The following NRCAM variants were observed in gnomAD, a reference collection of about 807,000 sequenced individuals.
The protein encoded by NRCAM is neuronal cell adhesion molecule, also known as NgCAM-related cell adhesion molecule.
Under a neutral mutation model 156.5 loss-of-function variants are expected in NRCAM, and 83 were observed. The observed-to-expected ratio is 0.53, with a 90% CI of 0.44 to 0.64. The LOEUF is 0.64. Among genes scored for constraint, NRCAM ranks in the 30% least tolerant of loss-of-function variants. NRCAM has a pLI of 0.00. For synonymous variants in NRCAM, 538 were observed against 563.9 expected (o/e 0.95, Z 0.65); for missense variants, 1,417 against 1,597.3 (o/e 0.89, Z 1.92).
intron 3 of NRCAM, among the ~76,000 whole-genome samples, chr7:108,245,913 T>A (rs7795834): frequency 0.27 from 41,089 of 151,946 alleles, 5,895 homozygotes; most frequent in African/African-American, 0.34. Context: ...GAGGCAATGA[T>A]GTAACTGAGA....
Position 108,288,298 on chromosome 7 carries a change from A to G in NRCAM, c.-107+24367T>C, listed in dbSNP as rs533325360. ...TTACCTATTGGGTACGATGTTCACT[A>G]TTGGGGTGATGCGTAACATTAAAAG... On this transcript the variant is annotated intron_variant, in intron 3 of 32. Transcript: ENST00000379028. Among the ~76,000 whole-genome samples the G allele has an allele frequency of 1.2e-3, 176 of 152,198 alleles. 1 individual carries two copies. In the Middle Eastern group the frequency reaches 0.014, roughly 12 times the overall value.
At chr7:108,276,071 T>C (rs928464717) in intron 3 of NRCAM, among the ~76,000 whole-genome samples, 1 of 152,236 alleles carries the variant, frequency 6.6e-6, no homozygotes. Context: ...TCCCGAGTTC[T>C]AATTTGATTG....
At position 108,452,257 on chromosome 7, in the gene NRCAM, C is replaced by T. The variant is rs142838844; in HGVS notation, c.-332+3986G>A. Among the ~76,000 whole-genome samples the T allele has an allele frequency of 9.2e-3, 1,394 of 152,266 alleles. 26 individuals carry two copies. The highest frequency in any genetic ancestry group is 0.032 in the African/African-American group (1,313 of 41,520). ...TTGGGGAGATGAGATGTTCTCACCACACATACACAAATTAACTGTGTGAGG... is the reference window on the plus strand; with the variant it reads ...TTGGGGAGATGAGATGTTCTCACCATACATACACAAATTAACTGTGTGAGG... On this transcript the variant is annotated intron_variant, in intron 1 of 32. Transcript: ENST00000379028.
At chr7:108,194,818 A>G (rs1487203651) in intron 15 of NRCAM, among the ~76,000 whole-genome samples, 1 of 152,246 alleles carries the variant, frequency 6.6e-6, no homozygotes, top group Non-Finnish European at 1.5e-5. Context: ...TGATCAGTAA[A>G]GAATGTTCCA....
intron 8 of NRCAM, among the ~76,000 whole-genome samples, chr7:108,230,207 T>C (rs1384880616): frequency 6.6e-6 from 1 of 152,118 alleles, no homozygotes; most frequent in Non-Finnish European, 1.5e-5. Flanking sequence ...GTAGTTATCC[T>C]TGATTCCTCT....
chr7:108,159,774 GATAA>G (rs2047728201), intron 31 of NRCAM, among the ~76,000 whole-genome samples: 1 of 151,982 alleles, frequency 6.6e-6, no homozygotes, highest in African/African-American at 2.4e-5. Context: ...TTTCTCACCT[GATAA>G]ATAATTTTTA....
In NRCAM at chr7:108,318,231, G is replaced by A. The variant is rs377435470; in HGVS notation, c.-173-5500C>T. 7.9e-5 allele frequency among the ~76,000 whole-genome samples: 12 copies of A among 151,688 alleles called. No homozygotes were observed. In the East Asian group the frequency reaches 2.0e-3, roughly 25 times the overall value. On this transcript the variant is annotated intron_variant, in intron 2 of 32. Coordinates refer to ENST00000379028, the MANE Select transcript of NRCAM (RefSeq NM_001037132.4). ...CGGCTAATTTTTTGCATTTTTAGTA[G>A]AGATGGGGTTTCACTGTGTTAGCCA...
intron 28 of NRCAM, among the ~76,000 whole-genome samples, chr7:108,171,891 A>G (rs943031380): frequency 2.0e-5 from 3 of 152,304 alleles, no homozygotes; most frequent in Non-Finnish European, 4.4e-5. Flanking sequence ...TAGGCCAAAA[A>G]AGGAATTTTA....
At chr7:108,350,497 T>A (rs2099404244) in intron 2 of NRCAM, among the ~76,000 whole-genome samples, 1 of 152,234 alleles carries the variant, frequency 6.6e-6, no homozygotes, top group South Asian at 2.1e-4. Flanking sequence ...ATATCCCAGC[T>A]GCCTTAACCA....
intron 2 of NRCAM, among the ~76,000 whole-genome samples, chr7:108,397,574 C>T (rs1269455442): frequency 6.6e-6 from 1 of 152,142 alleles, no homozygotes; most frequent in African/African-American, 2.4e-5. Context: ...GGGGCCCTAA[C>T]ACCACCCCAC....
chr7:108,417,197 A>G (rs1362948187), intron 1 of NRCAM, among the ~76,000 whole-genome samples: 1 of 152,216 alleles, frequency 6.6e-6, no homozygotes, highest in African/African-American at 2.4e-5. Context: ...GCCTATTTTA[A>G]TTGCTATGGA....
chr7:108,312,221 T>C (rs934409580), intron 3 of NRCAM, among the ~76,000 whole-genome samples: 1 of 152,200 alleles, frequency 6.6e-6, no homozygotes, highest in African/African-American at 2.4e-5. Flanking sequence ...TTGGACTCCA[T>C]TGTGAGACAA....
intron 2 of NRCAM, among the ~76,000 whole-genome samples, chr7:108,319,486 A>T (rs2098974512): frequency 1.3e-5 from 2 of 152,224 alleles, no homozygotes; most frequent in South Asian, 4.1e-4. Flanking sequence ...TGAGCATCAG[A>T]AATACAATGG....
chr7:108,296,778 G>C (rs1267692455), intron 3 of NRCAM, among the ~76,000 whole-genome samples: 3 of 152,116 alleles, frequency 2.0e-5, no homozygotes, highest in African/African-American at 7.2e-5. Context: ...ATGATCTCTT[G>C]TGCTTTTACA....
chr7:108,244,350 A>G (rs2095760195), intron 3 of NRCAM, among the ~76,000 whole-genome samples: 1 of 152,154 alleles, frequency 6.6e-6, no homozygotes, highest in South Asian at 2.1e-4. Flanking sequence ...GGCTCGCCTC[A>G]GTGACTGGAT....
rs556575286 is a variant in NRCAM at position 108,331,407 on chromosome 7, TA to T, written c.-173-18677del. 1.7e-3 allele frequency among the ~76,000 whole-genome samples: 255 copies of T among 146,866 alleles called. 2 individuals are homozygous for T. Among genetic ancestry groups the T allele is most frequent in the African/African-American group, 5.3e-3 (215 of 40,330 alleles). ...CAGAGTGAGACCCTGTCTCTAAACT[TA>T]AAAAAAAAAATAGATATAATCAGAA... is the stretch of plus-strand genomic sequence containing the variant. On this transcript the variant is annotated intron_variant, in intron 2 of 32. Coordinates refer to ENST00000379028, the MANE Select transcript of NRCAM (RefSeq NM_001037132.4).
chr7:108,174,830 G>A (rs888719939), intron 28 of NRCAM, among the ~76,000 whole-genome samples: 1 of 152,210 alleles, frequency 6.6e-6, no homozygotes, highest in African/African-American at 2.4e-5. Context: ...CCAGTTGGAG[G>A]GCATTGCTAC....
intron 2 of NRCAM, among the ~76,000 whole-genome samples, chr7:108,367,273 T>A (rs1022247778): frequency 1.3e-5 from 2 of 152,208 alleles, no homozygotes; most frequent in Non-Finnish European, 2.9e-5. Context: ...TCTAAGTTCA[T>A]ATTTTTAACA....
intron 13 of NRCAM, 87 bp downstream of exon 13, chr7:108,207,441 T>C (rs980655461): frequency 1.4e-6 from 2 of 1,393,494 alleles, no homozygotes; most frequent in African/African-American, 2.9e-5. Context: ...TTAACCTGAG[T>C]TATTTTTTTA....
Sources: gnomAD v4.1 joint callset for allele counts (sites outside exome capture counted in the v4.1 genomes callset) on GRCh38, gnomAD v4.1.1 for gene constraint, MANE v1.5 for transcripts, NCBI Gene and HGNC (gene_info 2026-07-23, HGNC 2026-07-21) for gene names.